Variants in ARHGAP10 observed in about 807,000 individuals in gnomAD.
The protein encoded by ARHGAP10 is Rho GTPase activating protein 10, also known as rho GTPase-activating protein 10.
Under a neutral mutation model 108.6 loss-of-function variants are expected in ARHGAP10, and 87 were observed. The ratio of observed to expected loss-of-function variants is 0.80; its 90% CI spans 0.67 to 0.96. The LOEUF is 0.96. Among genes scored for constraint, ARHGAP10 ranks in the 40% least tolerant of loss-of-function variants. The pLI is 0.00. For synonymous variants in ARHGAP10, 347 were observed against 341.1 expected (o/e 1.02, Z -0.19); for missense variants, 939 against 954.5 (o/e 0.98, Z 0.21).
At chr4:147,875,722 A>G (rs1485422218) in intron 8 of ARHGAP10, among the ~76,000 whole-genome samples, 1 of 152,212 alleles carries the variant, frequency 6.6e-6, no homozygotes, top group African/African-American at 2.4e-5. Context: ...GATGGTGATA[A>G]AAGATATTCC....
chr4:147,791,539 CGCGT>C (rs1389207933), intron 1 of ARHGAP10, among the ~76,000 whole-genome samples: 3 of 151,822 alleles, frequency 2.0e-5, no homozygotes, highest in East Asian at 1.9e-4. Flanking sequence ...TGTGTGCGCG[CGCGT>C]GCGTGCGCGC....
intron 5 of ARHGAP10, chr4:147,862,984 A>G (rs979899696): frequency 3.3e-5 from 5 of 152,196 alleles, no homozygotes; most frequent in Non-Finnish European, 7.3e-5. Context: ...TAGCTTAGTA[A>G]TATATATTAA....
chr4:147,953,878 T>C (rs1447349835), intron 15 of ARHGAP10, among the ~76,000 whole-genome samples: 1 of 152,040 alleles, frequency 6.6e-6, no homozygotes, highest in African/African-American at 2.4e-5. Flanking sequence ...TCTTCTTTTT[T>C]AATATAGGTG....
chr4:147,820,495 A>G (rs1732442429), intron 1 of ARHGAP10, among the ~76,000 whole-genome samples: 1 of 149,190 alleles, frequency 6.7e-6, no homozygotes, highest in Non-Finnish European at 1.5e-5. Context: ...TATGTTGGCC[A>G]GTCTGGTCTC....
chr4:148,065,979 C>CAAAAAAAA (rs34551897), intron 22 of ARHGAP10, among the ~76,000 whole-genome samples: 9 of 98,538 alleles, frequency 9.1e-5, no homozygotes, highest in African/African-American at 3.3e-4. Context: ...GACCCCATCT[C>CAAAAAAAA]AAAAAAAAAA....
At chr4:147,961,316 G>GT (rs1477827974) in intron 16 of ARHGAP10, among the ~76,000 whole-genome samples, 6 of 152,098 alleles carry the variant, frequency 3.9e-5, no homozygotes, top group African/African-American at 1.4e-4. Flanking sequence ...GTTTTCATAG[G>GT]TTTTTTGGTC....
intron 3 of ARHGAP10, among the ~76,000 whole-genome samples, chr4:147,840,442 G>A (rs139400620): frequency 2.0e-5 from 3 of 151,648 alleles, no homozygotes; most frequent in African/African-American, 7.3e-5. Context: ...AACCTTTTTA[G>A]CATTCTGGTT....
At chr4:147,838,076 A>G (rs961373932) in intron 3 of ARHGAP10, among the ~76,000 whole-genome samples, 1 of 152,066 alleles carries the variant, frequency 6.6e-6, no homozygotes, top group African/African-American at 2.4e-5. Context: ...TTTTAGAAAC[A>G]TTTTCTGCAC....
chr4:148,025,535 C>T (rs944287377), intron 19 of ARHGAP10, among the ~76,000 whole-genome samples: 2 of 151,364 alleles, frequency 1.3e-5, no homozygotes, highest in East Asian at 1.9e-4. Flanking sequence ...ATAGTTATTT[C>T]AGAGAGAACA....
intron 19 of ARHGAP10, among the ~76,000 whole-genome samples, chr4:148,038,234 C>G (rs999216483): frequency 1.1e-4 from 16 of 152,106 alleles, no homozygotes; most frequent in African/African-American, 3.6e-4. Flanking sequence ...TTTCAGTGGC[C>G]TGAATGTCCT....
intron 22 of ARHGAP10, 75 bp from the exon 23 acceptor site, chr4:148,071,918 G>T: frequency 7.6e-7 from 1 of 1,319,030 alleles, no homozygotes; most frequent in African/African-American, 1.5e-5. Flanking sequence ...CTCCCTGCTT[G>T]AGCTTTTAAG....
chr4:147,966,154 A>G (rs926609399), intron 17 of ARHGAP10, among the ~76,000 whole-genome samples: 2 of 152,244 alleles, frequency 1.3e-5, no homozygotes, highest in African/African-American at 2.4e-5. Context: ...AAGCAAAAGT[A>G]TAATATTCTG....
At chr4:147,790,925 C>T (rs1172003362) in intron 1 of ARHGAP10, among the ~76,000 whole-genome samples, 2 of 151,902 alleles carry the variant, frequency 1.3e-5, no homozygotes, top group Non-Finnish European at 2.9e-5. Context: ...TCCTGTGACC[C>T]CTCCTCATCC....
At chr4:148,027,104 A>G (rs915910431) in intron 19 of ARHGAP10, among the ~76,000 whole-genome samples, 8 of 152,226 alleles carry the variant, frequency 5.3e-5, no homozygotes. Flanking sequence ...AAGAAATTTT[A>G]AGCAAAGGTC....
rs202203399 is a variant in ARHGAP10, at chr4:147,832,356, TA to T, written c.312+9404del. Reference sequence around the variant, plus strand: ...TGACCACTTAATTTTTTTTTTTTTTTAAAAAGAGGAGTCCAGGCACGGTAGC... The same window carrying T: ...TGACCACTTAATTTTTTTTTTTTTTTAAAAGAGGAGTCCAGGCACGGTAGC... On this transcript the variant is annotated intron_variant, in intron 3 of 22. Coordinates refer to ENST00000336498, the MANE Select transcript of ARHGAP10 (RefSeq NM_024605.4). Among the ~76,000 whole-genome samples, 715 of 147,214 alleles carry T rather than the reference TA, an allele frequency of 4.9e-3. 6 individuals carry two copies. Among genetic ancestry groups the T allele is most frequent in the East Asian group, 0.027 (136 of 5,050 alleles).
intron 13 of ARHGAP10, 67 bp from the exon 14 acceptor site, chr4:147,939,758 C>A: frequency 7.3e-7 from 1 of 1,363,390 alleles, no homozygotes; most frequent in Non-Finnish European, 1.1e-6. Context: ...ATTTTGAATG[C>A]AACTGTTTGA....
intron 14 of ARHGAP10, among the ~76,000 whole-genome samples, chr4:147,945,886 G>T (rs2126969962): frequency 6.6e-6 from 1 of 152,230 alleles, no homozygotes; most frequent in East Asian, 1.9e-4. Context: ...AAGAGAGGGG[G>T]TCCCACCAGC....
chr4:148,017,964 A>G (rs1374143704), intron 18 of ARHGAP10, among the ~76,000 whole-genome samples: 1 of 151,974 alleles, frequency 6.6e-6, no homozygotes, highest in African/African-American at 2.4e-5. Context: ...ATAAACATCC[A>G]TTGTGTTGTG....
At chr4:148,001,430 G>T (rs1211946270) in intron 18 of ARHGAP10, among the ~76,000 whole-genome samples, 2 of 152,134 alleles carry the variant, frequency 1.3e-5, no homozygotes, top group African/African-American at 4.8e-5. Context: ...CTTCAAAGTA[G>T]TTTTTTCCAA....
Sources: gnomAD v4.1 joint callset for allele counts (sites outside exome capture counted in the v4.1 genomes callset) on GRCh38, gnomAD v4.1.1 for gene constraint, MANE v1.5 for transcripts, NCBI Gene and HGNC (gene_info 2026-07-23, HGNC 2026-07-21) for gene names.